Variants in ADAM12 observed in about 807,000 individuals in gnomAD.
ADAM12 encodes the protein disintegrin and metalloproteinase domain-containing protein 12.
A neutral mutation model predicts 106.4 loss-of-function variants in ADAM12; 70 were observed. The ratio of observed to expected loss-of-function variants is 0.66; its 90% CI spans 0.54 to 0.80. The LOEUF (loss-of-function observed/expected upper bound fraction) is 0.80, where lower values mean the gene tolerates loss of function less well. Ranked by LOEUF, ADAM12 falls within the 30% of genes least tolerant of loss-of-function variation. The probability of loss-of-function intolerance (pLI) is 0.00; values close to 1 mark genes in which losing one functional copy is unlikely to be tolerated. For synonymous variants in ADAM12, 420 were observed against 433.5 expected, an observed-to-expected ratio of 0.97 and a Z score of 0.39; for missense variants, 1,010 against 1,171.9, an observed-to-expected ratio of 0.86 and a Z score of 2.02.
intron 1 of ADAM12, among the ~76,000 whole-genome samples, chr10:126,379,821 T>A (rs183093832): frequency 6.6e-6 from 1 of 152,218 alleles, no homozygotes; most frequent in Admixed American, 6.5e-5. Flanking sequence ...AAAAGCAATG[T>A]CTCCATCCTA....
At chr10:126,215,793 CACA>C (rs1957977216) in intron 3 of ADAM12, among the ~76,000 whole-genome samples, 2 of 152,170 alleles carry the variant, frequency 1.3e-5, no homozygotes, top group Admixed American at 6.5e-5. Flanking sequence ...TCACCCCCGG[CACA>C]ACAACAGCTT....
chr10:126,283,522 T>C (rs1190546923), intron 2 of ADAM12, among the ~76,000 whole-genome samples: 1 of 152,222 alleles, frequency 6.6e-6, no homozygotes, highest in Non-Finnish European at 1.5e-5. Flanking sequence ...TGCGGCTCAC[T>C]GGGGTTTTCC....
At chr10:126,270,623 C>T (rs1313538814) in intron 3 of ADAM12, among the ~76,000 whole-genome samples, 4 of 152,210 alleles carry the variant, frequency 2.6e-5, no homozygotes, top group Non-Finnish European at 5.9e-5. Context: ...TATAGACCCT[C>T]AGGCCCTATG....
rs187886547 is a variant in ADAM12 at position 126,021,186 on chromosome 10, A to T, written c.2530-1361T>A. Among the ~76,000 whole-genome samples, 396 of 152,186 alleles carry T rather than the reference A, an allele frequency of 2.6e-3. 1 individual carries two copies. Among genetic ancestry groups the T allele is most frequent in the African/African-American group, 9.1e-3 (379 of 41,498 alleles). The stretch of plus-strand genomic sequence containing the variant: ...CTTTGAAGCCCGGAAACACTCATGA[A>T]TGCACAGAATGTCTGTTGGAAATGG... On this transcript the variant is annotated intron_variant, in intron 21 of 22. Coordinates refer to ENST00000448723, the MANE Select transcript of ADAM12 (RefSeq NM_001288973.2).
At chr10:126,353,023 C>T (rs2133889536) in intron 1 of ADAM12, among the ~76,000 whole-genome samples, 1 of 152,332 alleles carries the variant, frequency 6.6e-6, no homozygotes, top group Admixed American at 6.5e-5. Context: ...TCACTGTGAT[C>T]AAAGCAGGCT....
chr10:126,321,851 T>G (rs913204362), intron 2 of ADAM12, among the ~76,000 whole-genome samples: 7 of 143,428 alleles, frequency 4.9e-5, no homozygotes, highest in African/African-American at 1.8e-4. Context: ...ATTTCAAATC[T>G]GACAGGCCTT....
intron 3 of ADAM12, among the ~76,000 whole-genome samples, chr10:126,190,652 G>C (rs1028194541): frequency 4.6e-5 from 7 of 152,174 alleles, no homozygotes; most frequent in African/African-American, 1.7e-4. Context: ...ATTACAGCCT[G>C]TGCTGTTTTG....
intron 3 of ADAM12, among the ~76,000 whole-genome samples, chr10:126,191,747 G>T (rs147208470): frequency 6.6e-6 from 1 of 152,144 alleles, no homozygotes; most frequent in Non-Finnish European, 1.5e-5. Flanking sequence ...CAGCAAGCTC[G>T]AATTTAAATC....
chr10:126,106,486 CTTTT>C (rs533243635), intron 8 of ADAM12, among the ~76,000 whole-genome samples: 4 of 115,966 alleles, frequency 3.4e-5, no homozygotes, highest in Non-Finnish European at 3.6e-5. Context: ...TCTTCTTCTT[CTTTT>C]TTTTTTTTTT....
intron 3 of ADAM12, among the ~76,000 whole-genome samples, chr10:126,240,312 C>G (rs376951193): frequency 6.6e-6 from 1 of 152,258 alleles, no homozygotes; most frequent in Admixed American, 6.5e-5. Flanking sequence ...ACAGGCGATG[C>G]TCTGGGGGGC....
intron 5 of ADAM12, among the ~76,000 whole-genome samples, chr10:126,123,990 T>C (rs1309140797): frequency 6.6e-6 from 1 of 152,210 alleles, no homozygotes; most frequent in Non-Finnish European, 1.5e-5. Flanking sequence ...AAGAGACCTA[T>C]ATTTCCTCAA....
intron 3 of ADAM12, among the ~76,000 whole-genome samples, chr10:126,178,406 A>AT (rs1426086384): frequency 0.013 from 1,625 of 120,466 alleles, 34 homozygotes; most frequent in African/African-American, 0.055. Context: ...ATTGGAGGAC[A>AT]TCTTTTTTTT....
At chr10:126,086,354 T>C (rs974929866) in intron 11 of ADAM12, among the ~76,000 whole-genome samples, 5 of 151,876 alleles carry the variant, frequency 3.3e-5, no homozygotes, top group African/African-American at 1.2e-4. Flanking sequence ...ATGCAAGCAG[T>C]TCATTTAACA....
intron 4 of ADAM12, among the ~76,000 whole-genome samples, chr10:126,140,470 G>T (rs138095306): frequency 1.3e-5 from 2 of 152,166 alleles, no homozygotes; most frequent in African/African-American, 4.8e-5. Flanking sequence ...GAGGGAGGAG[G>T]GGGGTGGATT....
At chr10:126,158,332 G>A (rs1264385871) in intron 3 of ADAM12, among the ~76,000 whole-genome samples, 4 of 151,022 alleles carry the variant, frequency 2.6e-5, no homozygotes, top group Middle Eastern at 3.2e-3. Flanking sequence ...AGAGCATGGA[G>A]GGGAGGATGC....
intron 3 of ADAM12, among the ~76,000 whole-genome samples, chr10:126,182,206 C>T (rs966920561): frequency 1.3e-5 from 2 of 152,124 alleles, no homozygotes; most frequent in Admixed American, 1.3e-4. Context: ...ATACCAAAAA[C>T]ATGAACATGT....
chr10:126,143,855 A>G (rs549044741), intron 4 of ADAM12, among the ~76,000 whole-genome samples: 1 of 152,240 alleles, frequency 6.6e-6, no homozygotes, highest in Admixed American at 6.5e-5. Flanking sequence ...CTTGCACGCA[A>G]GCCCCAACAT....
chr10:126,131,138 A>G (rs1956297939), intron 5 of ADAM12, among the ~76,000 whole-genome samples: 1 of 122,596 alleles, frequency 8.2e-6, no homozygotes. Flanking sequence ...TTTTTTGGCA[A>G]AAGCTCATTG....
At position 126,201,436 on chromosome 10, in the gene ADAM12, G is replaced by T. The variant is rs201040276; in HGVS notation, c.261-46131C>A. Among the ~76,000 whole-genome samples, 5 of 152,108 alleles carry T rather than the reference G, an allele frequency of 3.3e-5. No individual in the cohort carries two copies. In the South Asian group the frequency reaches 6.2e-4, roughly 19 times the overall value. ...AGTGTTGTTGCCACGAGCCAAAAAC[G>T]CCAGGGAACCCCAGGCAAGCACCAG... On this transcript the variant is annotated intron_variant, in intron 3 of 22. Coordinates refer to ENST00000448723, the MANE Select transcript of ADAM12 (RefSeq NM_001288973.2).
Sources: allele counts gnomAD v4.1 joint callset (sites outside exome capture counted in the v4.1 genomes callset), GRCh38; gene constraint gnomAD v4.1.1; transcripts MANE v1.5; gene names NCBI Gene and HGNC (gene_info 2026-07-23, HGNC 2026-07-21).